DNAH10: variants seen among roughly 807,000 people sequenced by gnomAD.
DNAH10 encodes dynein axonemal heavy chain 10.
In DNAH10, 348 loss-of-function variants were observed where a neutral mutation model predicts 506.6. The observed-to-expected ratio is 0.69, with a 90% CI of 0.63 to 0.75. The LOEUF (loss-of-function observed/expected upper bound fraction) is 0.75, where lower values mean the gene tolerates loss of function less well. DNAH10 is among the 30% of genes least tolerant of loss of function. The pLI, the probability that DNAH10 is intolerant of heterozygous loss-of-function variation, is 0.00. For missense variants in DNAH10, 5,179 were observed against 5,787.1 expected (o/e 0.89, Z 3.41); for synonymous variants, 2,059 against 2,198.6 (o/e 0.94, Z 1.78).
chr12:123,795,718 C>T (rs1376094831), intron 12 of DNAH10, among the ~76,000 whole-genome samples: 6 of 152,150 alleles, frequency 3.9e-5, no homozygotes, highest in Admixed American at 6.6e-5. Context: ...GGGATTAGGA[C>T]GTGGACATCT....
At chr12:123,770,540 G>A (rs913613687) in intron 2 of DNAH10, among the ~76,000 whole-genome samples, 2 of 140,284 alleles carry the variant, frequency 1.4e-5, no homozygotes, top group East Asian at 4.0e-4. Flanking sequence ...CTCTAATAAT[G>A]TTGGTACTGC....
Position 123,867,551 on chromosome 12 carries a change from A to G in DNAH10, c.7252A>G (p.Arg2418Gly). 6.2e-7 allele frequency: 1 copy of G among 1,614,048 alleles called. No homozygotes were observed. The highest frequency in any genetic ancestry group is 8.5e-7 in the Non-Finnish European group (1 of 1,179,906). The change falls in exon 42 of 79, where the codon AGA becomes GGA. Residue 2418 changes from arginine (R) to glycine (G), a missense_variant. Physicochemically the swap from Arg to Gly is moderately radical, Grantham distance 125 (BLOSUM62 -2). Around this residue, in one of 3 missense-constraint regions of DNAH10, gnomAD observed 4,844 missense variants for 5,430.5 expected, o/e 0.89. Coordinates refer to ENST00000673944, the MANE Select transcript of DNAH10 (RefSeq NM_001372106.1). ...DVIVEGIVDG[R>G]QAEKLKTIVP... is the part of the protein sequence containing the mutation. ...GATAGTGGAAGGAATTGTGGATGGA[A>G]GACAAGCAGAAAAGCTGAAGACAAT...
At position 123,830,579 on chromosome 12, in the gene DNAH10, CT is replaced by C. The variant is rs757057229; in HGVS notation, c.4431del (p.Phe1477LeufsTer3). On this transcript the variant is annotated frameshift_variant, in exon 26 of 79. Coordinates refer to ENST00000673944, the MANE Select transcript of DNAH10 (RefSeq NM_001372106.1). LOFTEE classifies it high-confidence loss of function. ...AAGAACTTATGGAAAAAACGTCTGT[CT>C]TTTTTGAAATGACCGAAACGTTCAC... The part of the protein sequence containing the change: ...WKELMEKTSV[F>X]FEMTETFTLE... 2.5e-6 allele frequency: 4 copies of C among 1,613,386 alleles called. No homozygotes were observed. The highest frequency in any genetic ancestry group is 3.4e-6 in the Non-Finnish European group (4 of 1,179,724).
chr12:123,900,756 T>C (rs1326834769), intron 56 of DNAH10, among the ~76,000 whole-genome samples: 1 of 152,210 alleles, frequency 6.6e-6, no homozygotes, highest in Non-Finnish European at 1.5e-5. Context: ...AGTGGGAATC[T>C]TTCCTTCCCT....
At chr12:123,770,091 T>TTAGCCAGG (rs1053069868) in intron 2 of DNAH10, among the ~76,000 whole-genome samples, 9 of 151,618 alleles carry the variant, frequency 5.9e-5, no homozygotes, top group African/African-American at 9.7e-5. Context: ...AACACAAAAA[T>TTAGCCAGG]TAGCCAGGTA....
intron 16 of DNAH10, 130 bp from the exon 17 acceptor site, chr12:123,803,531 C>A: frequency 2.2e-6 from 2 of 906,420 alleles, no homozygotes; most frequent in Non-Finnish European, 3.2e-6. Context: ...AGCCCAAAGA[C>A]CCAAGGGGTT....
At chr12:123,876,643 AT>A (rs1210953718) in intron 47 of DNAH10, among the ~76,000 whole-genome samples, 2 of 151,856 alleles carry the variant, frequency 1.3e-5, no homozygotes, top group Non-Finnish European at 2.9e-5. Flanking sequence ...ACATAAAAAA[AT>A]AAAAAAATTA....
At chr12:123,764,151 C>G (rs538111998) in intron 1 of DNAH10, among the ~76,000 whole-genome samples, 3 of 152,202 alleles carry the variant, frequency 2.0e-5, no homozygotes, top group African/African-American at 7.2e-5. Flanking sequence ...CAGGTGTGAA[C>G]CATCGCGCTT....
In DNAH10 at chr12:123,796,645, T is replaced by C; in HGVS notation, c.1987-11T>C. The C allele has an allele frequency of 6.3e-7, 1 of 1,590,054 alleles. No individual in the cohort carries two copies. The highest frequency in any genetic ancestry group is 1.7e-4 in the Middle Eastern group (1 of 5,972). On this transcript the variant is annotated splice_polypyrimidine_tract_variant and intron_variant, in intron 12 of 78. Coordinates refer to ENST00000673944, the MANE Select transcript of DNAH10 (RefSeq NM_001372106.1). Reference sequence around the variant, plus strand: ...TTTATCACTTACAGAAGCTGTTTGATTGCTTTTCAGATTGACATCATTAAT... The same window carrying C: ...TTTATCACTTACAGAAGCTGTTTGACTGCTTTTCAGATTGACATCATTAAT...
chr12:123,891,394 A>G (rs929366524), intron 52 of DNAH10, among the ~76,000 whole-genome samples: 3 of 152,212 alleles, frequency 2.0e-5, no homozygotes, highest in Non-Finnish European at 4.4e-5. Flanking sequence ...GGCGACATGC[A>G]ACTTCAACCG....
intron 5 of DNAH10, among the ~76,000 whole-genome samples, chr12:123,779,046 G>C (rs1957545375): frequency 6.6e-6 from 1 of 152,028 alleles, no homozygotes; most frequent in Admixed American, 6.6e-5. Flanking sequence ...ACTAGAGAGA[G>C]GCACCCGCCA....
At chr12:123,857,857 A>T (rs1437894535) in intron 37 of DNAH10, among the ~76,000 whole-genome samples, 2 of 152,186 alleles carry the variant, frequency 1.3e-5, no homozygotes, top group Admixed American at 6.5e-5. Context: ...TACACCCGTT[A>T]ACAGCTTACC....
chr12:123,854,078 T>G (rs912764654), intron 36 of DNAH10, among the ~76,000 whole-genome samples: 3 of 150,766 alleles, frequency 2.0e-5, no homozygotes, highest in African/African-American at 7.3e-5. Context: ...GGTTTTTTTT[T>G]TTTTTTTTTT....
intron 1 of DNAH10, among the ~76,000 whole-genome samples, chr12:123,763,235 C>T (rs1374378444): frequency 2.6e-5 from 4 of 152,214 alleles, no homozygotes; most frequent in Non-Finnish European, 4.4e-5. Flanking sequence ...ATCCCCAGCC[C>T]CACCTACTCT....
rs200754616 is a variant in DNAH10 at position 123,933,395 on chromosome 12, C to A, written c.13361C>A (p.Thr4454Lys). The A allele has an allele frequency of 1.9e-6, 3 of 1,611,452 alleles. No individual in the cohort carries two copies. The highest frequency in any genetic ancestry group is 2.5e-6 in the Non-Finnish European group (3 of 1,179,614). ...SGLHIPESYL[T>K]ALVQATCRKN... ...CTGCACATCCCTGAGTCCTACCTCA[C>A]GGCGCTGGTGCAGGCCACCTGCCGG... The change falls in exon 77 of 79, where the codon ACG becomes AAG. Residue 4454 changes from threonine to lysine, a missense_variant. Physicochemically the swap from Thr to Lys is moderately conservative, Grantham distance 78. This residue lies in a region of DNAH10 where 4,844 missense variants were observed against 5,430.5 expected (regional missense o/e 0.89). Transcript: ENST00000673944.
intron 51 of DNAH10, among the ~76,000 whole-genome samples, chr12:123,884,763 G>T (rs532219500): frequency 6.6e-6 from 1 of 152,132 alleles, no homozygotes; most frequent in Admixed American, 6.5e-5. Context: ...CTATTGTTAT[G>T]GACTCACTCA....
chr12:123,933,976 C>A (rs1012854465), intron 77 of DNAH10: 18 of 475,996 alleles, frequency 3.8e-5, no homozygotes, highest in Admixed American at 7.4e-5. Flanking sequence ...CTGGAAACTG[C>A]TGTTTCCCCG....
intron 26 of DNAH10, among the ~76,000 whole-genome samples, chr12:123,832,252 A>G (rs1960640972): frequency 6.6e-6 from 1 of 152,200 alleles, no homozygotes; most frequent in Non-Finnish European, 1.5e-5. Context: ...TACCTAATAT[A>G]TACATGTACA....
At chr12:123,789,739 G>A (rs1958007459) in intron 10 of DNAH10, among the ~76,000 whole-genome samples, 188 bp from the exon 11 acceptor site, 1 of 152,122 alleles carries the variant, frequency 6.6e-6, no homozygotes, top group Non-Finnish European at 1.5e-5. Context: ...GGAGGAACAG[G>A]CAGGTGCAGA....
Sources: allele counts gnomAD v4.1 joint callset (sites outside exome capture counted in the v4.1 genomes callset), GRCh38; gene constraint gnomAD v4.1.1; regional missense constraint gnomAD v4.1.1; transcripts MANE v1.5; gene names NCBI Gene and HGNC (gene_info 2026-07-23, HGNC 2026-07-21).